The following TENM2 variants were observed in gnomAD, a reference collection of about 807,000 sequenced individuals.
TENM2 encodes teneurin-2.
Under a neutral mutation model 245.2 loss-of-function variants are expected in TENM2, and 52 were observed. The observed-to-expected ratio is 0.21, with a 90% CI of 0.17 to 0.27. The LOEUF (loss-of-function observed/expected upper bound fraction) is 0.27, where lower values mean the gene tolerates loss of function less well. TENM2 is among the 10% of genes least tolerant of loss of function. The pLI, the probability that TENM2 is intolerant of heterozygous loss-of-function variation, is 1.00. For missense variants in TENM2, 3,046 were observed against 3,666.8 expected, an observed-to-expected ratio of 0.83 and a Z score of 4.37; for synonymous variants, 1,363 against 1,438.9, an observed-to-expected ratio of 0.95 and a Z score of 1.19.
At chr5:167,894,490 G>A (rs1386590926) in intron 3 of TENM2, among the ~76,000 whole-genome samples, 2 of 151,842 alleles carry the variant, frequency 1.3e-5, no homozygotes, top group African/African-American at 4.8e-5. Context: ...GCATTCTTTG[G>A]AAACATCCAA....
chr5:168,075,846 G>A (rs184789861), intron 7 of TENM2, among the ~76,000 whole-genome samples: 45 of 152,286 alleles, frequency 3.0e-4, no homozygotes, highest in East Asian at 9.6e-4. Context: ...ACATCTACAT[G>A]GTGGCGGCAG....
At chr5:168,191,689 T>C (rs1366757214) in intron 14 of TENM2, among the ~76,000 whole-genome samples, 1 of 152,180 alleles carries the variant, frequency 6.6e-6, no homozygotes, top group African/African-American at 2.4e-5. Context: ...TCTGGATGTA[T>C]GCTACTTCTC....
intron 2 of TENM2, among the ~76,000 whole-genome samples, chr5:167,466,974 C>T (rs576913503): frequency 2.6e-5 from 4 of 152,168 alleles, no homozygotes; most frequent in South Asian, 4.2e-4. Context: ...CAGCATACAA[C>T]GAAACATAAG....
intron 15 of TENM2, among the ~76,000 whole-genome samples, chr5:168,196,178 C>T (rs1021163493): frequency 2.6e-5 from 4 of 152,090 alleles, no homozygotes; most frequent in Non-Finnish European, 4.4e-5. Flanking sequence ...CTTTCTCTGG[C>T]GAAGAGTCTG....
At chr5:168,237,916 G>C (rs1046666016) in intron 25 of TENM2, among the ~76,000 whole-genome samples, 1 of 151,712 alleles carries the variant, frequency 6.6e-6, no homozygotes, top group African/African-American at 2.4e-5. Flanking sequence ...GCCAAGGCGG[G>C]CAGATCACAA....
At chr5:167,252,237 G>A in the TENM2 span, among the ~76,000 whole-genome samples, 5 of 152,284 alleles carry the variant, frequency 3.3e-5, no homozygotes, top group East Asian at 1.9e-4. Context: ...AAGTGCCAAA[G>A]GTGATAAGGA....
intron 5 of TENM2, among the ~76,000 whole-genome samples, chr5:168,018,882 C>G (rs1346925792): frequency 6.6e-6 from 1 of 152,126 alleles, no homozygotes; most frequent in Non-Finnish European, 1.5e-5. Context: ...CCATCACACA[C>G]AGAGAAAATA....
intron 2 of TENM2, among the ~76,000 whole-genome samples, chr5:167,741,067 T>G (rs1404314560): frequency 3.3e-5 from 5 of 152,230 alleles, no homozygotes; most frequent in Non-Finnish European, 7.3e-5. Flanking sequence ...CGTCTTGTCC[T>G]TCTCCTCAAT....
rs559865706 is a variant in TENM2, at chr5:168,251,810, C to G, written c.7432+3439C>G. Among the ~76,000 whole-genome samples the G allele has an allele frequency of 3.9e-5, 6 of 152,316 alleles. No homozygotes were observed. The South Asian group carries it at 1.0e-3, about 26-fold the overall frequency. ...GTTTGGAGACAGAACTCTCTGAATG[C>G]AAGTGGCAGCTCCTGAAGCCAGAGA... is the stretch of plus-strand genomic sequence containing the variant. On this transcript the variant is annotated intron_variant, in intron 27 of 28. Transcript: ENST00000518659.
chr5:167,543,159 C>T (rs1255918056), intron 2 of TENM2, among the ~76,000 whole-genome samples: 1 of 152,156 alleles, frequency 6.6e-6, no homozygotes, highest in Non-Finnish European at 1.5e-5. Context: ...TTAAGCACTT[C>T]CGTTTAGAGA....
chr5:167,346,775 A>AT (rs578155434), intron 1 of TENM2, among the ~76,000 whole-genome samples: 84 of 146,834 alleles, frequency 5.7e-4, no homozygotes, highest in Admixed American at 2.0e-3. Flanking sequence ...AGCCCCAACT[A>AT]TTTTTTTTTT....
chr5:167,425,364 TCGTTTGTAAGTGTGGAGATAACACCCAG>T (rs1201049817), intron 2 of TENM2, among the ~76,000 whole-genome samples: 4 of 152,156 alleles, frequency 2.6e-5, no homozygotes, highest in Non-Finnish European at 5.9e-5. Context: ...TCTGGCACCT[TCGTTTGTAAGTGTGGAGATAACACCCAG>T]CTCCTAGGAT....
intron 2 of TENM2, among the ~76,000 whole-genome samples, chr5:167,488,235 CTT>C (rs1435480547): frequency 6.6e-6 from 1 of 152,120 alleles, no homozygotes; most frequent in African/African-American, 2.4e-5. Flanking sequence ...CTTGATCCCA[CTT>C]TCTCTGCTAA....
the TENM2 span, among the ~76,000 whole-genome samples, chr5:167,021,269 A>C: frequency 6.6e-6 from 1 of 152,260 alleles, no homozygotes; most frequent in African/African-American, 2.4e-5. Context: ...GTAAGAAAAA[A>C]AATGACTTTC....
chr5:168,243,781 C>T (rs553635291), intron 25 of TENM2, among the ~76,000 whole-genome samples: 4 of 152,168 alleles, frequency 2.6e-5, no homozygotes, highest in East Asian at 3.8e-4. Flanking sequence ...ACACTTTCCA[C>T]GATCCTATGG....
At chr5:167,885,615 C>T (rs1357083021) in intron 3 of TENM2, among the ~76,000 whole-genome samples, 1 of 152,170 alleles carries the variant, frequency 6.6e-6, no homozygotes, top group East Asian at 1.9e-4. Flanking sequence ...ACAGACAAAA[C>T]CAAAGTCACT....
chr5:166,986,379 C>G, the TENM2 span, among the ~76,000 whole-genome samples: 1 of 152,048 alleles, frequency 6.6e-6, no homozygotes, highest in African/African-American at 2.4e-5. Context: ...ATCTTGAGCA[C>G]AGCTTATTTT....
chr5:167,580,258 C>T (rs1031869701), intron 2 of TENM2, among the ~76,000 whole-genome samples: 27 of 152,140 alleles, frequency 1.8e-4, no homozygotes, highest in African/African-American at 5.6e-4. Context: ...TCCGAACTAG[C>T]GAATTATCAT....
At chr5:167,151,573 C>T in the TENM2 span, among the ~76,000 whole-genome samples, 1 of 152,068 alleles carries the variant, frequency 6.6e-6, no homozygotes, top group African/African-American at 2.4e-5. Flanking sequence ...GGCTGGAGTG[C>T]AGTGGTGCAG....
Sources: allele counts gnomAD v4.1 joint callset (sites outside exome capture counted in the v4.1 genomes callset), GRCh38; gene constraint gnomAD v4.1.1; transcripts MANE v1.5; gene names NCBI Gene and HGNC (gene_info 2026-07-23, HGNC 2026-07-21).